The following AFAP1L2 variants were observed in gnomAD, a reference collection of about 807,000 sequenced individuals.
The protein encoded by AFAP1L2 is actin filament associated protein 1 like 2, also known as actin filament-associated protein 1-like 2.
AFAP1L2 carries 46 observed loss-of-function variants against 99.3 expected under a neutral mutation model. That is an observed-to-expected ratio of 0.46 (90% confidence interval 0.37 to 0.59). The LOEUF (loss-of-function observed/expected upper bound fraction) is 0.59, where lower values mean the gene tolerates loss of function less well. AFAP1L2 is among the 20% of genes least tolerant of loss of function. The probability of loss-of-function intolerance (pLI) is 0.00; values close to 1 mark genes in which losing one functional copy is unlikely to be tolerated. For missense variants in AFAP1L2, 959 were observed against 1,034.9 expected, an observed-to-expected ratio of 0.93 and a Z score of 1.01; for synonymous variants, 397 against 419.1, an observed-to-expected ratio of 0.95 and a Z score of 0.64.
In AFAP1L2 at chr10:114,350,535, C is replaced by T. The variant is rs1451366031; in HGVS notation, c.17-9804G>A. Reference sequence around the variant, plus strand: ...GACACATACTACCTGCCTTCACTAACGAAACCTCCTCCTATTTAAAGGTTC... The same window carrying T: ...GACACATACTACCTGCCTTCACTAATGAAACCTCCTCCTATTTAAAGGTTC... On this transcript the variant is annotated intron_variant, in intron 1 of 18. Coordinates refer to ENST00000304129, the MANE Select transcript of AFAP1L2 (RefSeq NM_001001936.3). Among the ~76,000 whole-genome samples the T allele has an allele frequency of 3.3e-5, 5 of 152,292 alleles. No individual in the cohort carries two copies. In the East Asian group the frequency reaches 9.7e-4, roughly 29 times the overall value.
chr10:114,294,191 C>CTTAT (rs957886809), downstream of AFAP1L2, among the ~76,000 whole-genome samples: 2 of 152,150 alleles, frequency 1.3e-5, no homozygotes, highest in Admixed American at 1.3e-4. Flanking sequence ...TTGCCAACAT[C>CTTAT]TTATTTCAGA....
In AFAP1L2 at chr10:114,315,545, G is replaced by A. The variant is rs375273209; in HGVS notation, c.612+15C>T. The A allele has an allele frequency of 1.1e-4, 172 of 1,613,612 alleles. No individual in the cohort carries two copies. The highest frequency in any genetic ancestry group is 3.4e-4 in the Middle Eastern group (2 of 5,950). On this transcript the variant is annotated intron_variant, in intron 6 of 18. Transcript: ENST00000304129. ...GAGAGGAGTCGGGGGACAAGACGAC[G>A]TAAGGCAGACTGACCAGAAGCCTGT... is the stretch of plus-strand genomic sequence containing the variant.
rs1016538218 is a variant in AFAP1L2 at position 114,295,276 on chromosome 10, A to G, written c.*766T>C. On this transcript the variant is annotated 3_prime_UTR_variant, in exon 19 of 19. Transcript: ENST00000304129. ...ACAGTAAAGAGTCACTTTAATCTCAAAAGATACTTTTCACTGTTCTAAATG... is the reference window on the plus strand; with the variant it reads ...ACAGTAAAGAGTCACTTTAATCTCAGAAGATACTTTTCACTGTTCTAAATG... 1.0e-6 allele frequency: 1 copy of G among 985,118 alleles called. No individual in the cohort carries two copies. The allele number at this position is 985,118 out of a possible 1,614,324, so 61.0% of individuals were successfully genotyped here.
At chr10:114,389,966 C>G (rs1269634652) in intron 1 of AFAP1L2, among the ~76,000 whole-genome samples, 1 of 152,206 alleles carries the variant, frequency 6.6e-6, no homozygotes, top group African/African-American at 2.4e-5. Context: ...TATTTGTAGG[C>G]TTCTGGCATT....
chr10:114,320,307 G>A (rs1267624001), intron 5 of AFAP1L2, among the ~76,000 whole-genome samples: 2 of 152,210 alleles, frequency 1.3e-5, no homozygotes, highest in African/African-American at 4.8e-5. Flanking sequence ...AGGGCTGATA[G>A]AGCAGGTCAA....
At chr10:114,378,793 C>T (rs969405166) in intron 1 of AFAP1L2, among the ~76,000 whole-genome samples, 1 of 152,232 alleles carries the variant, frequency 6.6e-6, no homozygotes, top group Non-Finnish European at 1.5e-5. Context: ...AAGCTTGTTC[C>T]AGGCCATGCA....
At chr10:114,286,272 G>T in the AFAP1L2 span, 1 of 1,610,826 alleles carries the variant, frequency 6.2e-7, no homozygotes, top group Non-Finnish European at 8.5e-7. Flanking sequence ...GGCCAGGACC[G>T]GCCACGTAGA....
chr10:114,382,268 G>A (rs1054361104), intron 1 of AFAP1L2, among the ~76,000 whole-genome samples: 1 of 16,648 alleles, frequency 6.0e-5, no homozygotes, highest in African/African-American at 1.3e-4. Context: ...AAATGTAAAT[G>A]CCCAGTGATT....
chr10:114,353,924 G>A (rs766254103), intron 1 of AFAP1L2, among the ~76,000 whole-genome samples: 2 of 152,142 alleles, frequency 1.3e-5, no homozygotes, highest in African/African-American at 4.8e-5. Flanking sequence ...CTTGGGAGAC[G>A]GAAGGATGTA....
chr10:114,324,100 T>C (rs888975921), intron 4 of AFAP1L2, among the ~76,000 whole-genome samples: 1 of 152,232 alleles, frequency 6.6e-6, no homozygotes, highest in Non-Finnish European at 1.5e-5. Flanking sequence ...TCCACCTGCA[T>C]AGTAGGCACT....
Position 114,377,129 on chromosome 10 carries a change from A to T in AFAP1L2, c.16+27311T>A, listed in dbSNP as rs2054915079. 3.9e-5 allele frequency among the ~76,000 whole-genome samples: 6 copies of T among 152,188 alleles called. No individual in the cohort carries two copies. Among genetic ancestry groups the T allele is most frequent in the African/African-American group, 2.4e-5 (1 of 41,456 alleles). Reference sequence around the variant, plus strand: ...ATGGTTTACTAATTCACACTCACCCATCTCCTTCCTAGTCCCAGACTTCCC... The same window carrying T: ...ATGGTTTACTAATTCACACTCACCCTTCTCCTTCCTAGTCCCAGACTTCCC... On this transcript the variant is annotated intron_variant, in intron 1 of 18. Coordinates refer to ENST00000304129, the MANE Select transcript of AFAP1L2 (RefSeq NM_001001936.3). This position sits in a 1 kb window ranked among gnomAD's most constrained non-coding sequence, Gnocchi z 4.0.
intron 1 of AFAP1L2, among the ~76,000 whole-genome samples, chr10:114,370,860 C>T (rs999613502): frequency 6.6e-6 from 1 of 152,192 alleles, no homozygotes; most frequent in South Asian, 2.1e-4. Flanking sequence ...CTATTTCTCT[C>T]CATCTGGAAT....
chr10:114,304,999 G>A (rs1301128577), intron 10 of AFAP1L2, 69 bp from the exon 11 acceptor site: 2 of 1,249,200 alleles, frequency 1.6e-6, no homozygotes. Flanking sequence ...AGGAGGGGGC[G>A]GGGCTTCGGG....
At chr10:114,289,035 C>T in the AFAP1L2 span, 4 of 1,614,216 alleles carry the variant, frequency 2.5e-6, no homozygotes, top group South Asian at 3.3e-5. Flanking sequence ...TTGTGAGAAG[C>T]TGTGCCCTCC....
chr10:114,392,762 A>C (rs1436551021), intron 1 of AFAP1L2, among the ~76,000 whole-genome samples: 3 of 152,190 alleles, frequency 2.0e-5, no homozygotes, highest in Non-Finnish European at 4.4e-5. Context: ...ACAGAGAAGA[A>C]ATCTATACGC....
intron 1 of AFAP1L2, among the ~76,000 whole-genome samples, chr10:114,357,977 CTACAG>C (rs1219078968): frequency 1.3e-5 from 2 of 152,160 alleles, no homozygotes; most frequent in Non-Finnish European, 2.9e-5. Context: ...AACCAGATTC[CTACAG>C]TATAAGCATC....
At chr10:114,397,122 G>A (rs1376134528) in intron 1 of AFAP1L2, among the ~76,000 whole-genome samples, 3 of 148,684 alleles carry the variant, frequency 2.0e-5, no homozygotes, top group African/African-American at 2.5e-5. Context: ...TTTACACACA[G>A]AAAAAAAAAA....
Position 114,377,555 on chromosome 10 carries a change from T to C in AFAP1L2, c.16+26885A>G, listed in dbSNP as rs2054974629. Among the ~76,000 whole-genome samples the C allele has an allele frequency of 6.6e-6, 1 of 152,202 alleles. No homozygotes were observed. Among genetic ancestry groups the C allele is most frequent in the African/African-American group, 2.4e-5 (1 of 41,454 alleles). ...CAAGGGAGTATAACTTAGGCATCAG[T>C]GGTCAATGTTGCTTATGGAACCAAG... On this transcript the variant is annotated intron_variant, in intron 1 of 18. Transcript: ENST00000304129. This position sits in a 1 kb window ranked among gnomAD's most constrained non-coding sequence, Gnocchi z 4.0.
intron 9 of AFAP1L2, 102 bp from the exon 10 acceptor site, chr10:114,308,011 A>G: frequency 7.4e-6 from 7 of 948,614 alleles, no homozygotes. Flanking sequence ...CCATCCACCC[A>G]TCCCTCCCCG....
Sources: gnomAD v4.1 joint callset for allele counts (sites outside exome capture counted in the v4.1 genomes callset) on GRCh38, gnomAD v4.1.1 for gene constraint, Gnocchi (gnomAD v3.1) non-coding constraint, MANE v1.5 for transcripts, NCBI Gene and HGNC (gene_info 2026-07-23, HGNC 2026-07-21) for gene names.